Variants in CCDC3 observed in about 807,000 individuals in gnomAD.
CCDC3 encodes the protein coiled-coil domain-containing protein 3.
In CCDC3, 24 loss-of-function variants were observed where a neutral mutation model predicts 21.4. The ratio of observed to expected loss-of-function variants is 1.12; its 90% CI spans 0.81 to 1.58. The LOEUF is 1.58. Among genes scored for constraint, CCDC3 ranks in the 40% most tolerant of loss-of-function variants. The pLI, the probability that CCDC3 is intolerant of heterozygous loss-of-function variation, is 0.00. For missense variants in CCDC3, 425 were observed against 360.9 expected, an observed-to-expected ratio of 1.18 and a Z score of -1.44; for synonymous variants, 186 against 166.0, an observed-to-expected ratio of 1.12 and a Z score of -0.93.
intron 2 of CCDC3, among the ~76,000 whole-genome samples, chr10:12,996,861 T>A (rs1347927380): frequency 1.3e-5 from 2 of 152,100 alleles, no homozygotes; most frequent in Non-Finnish European, 2.9e-5. Flanking sequence ...TTCTCACTTA[T>A]AATGGGAGCT....
intron 3 of CCDC3, among the ~76,000 whole-genome samples, chr10:13,086,248 T>C (rs901974368): frequency 1.3e-5 from 2 of 152,218 alleles, no homozygotes; most frequent in African/African-American, 2.4e-5. Flanking sequence ...ATACTTCTTA[T>C]ATGAATAACA....
At chr10:12,992,273 C>T (rs1285479754) in intron 2 of CCDC3, among the ~76,000 whole-genome samples, 6 of 151,964 alleles carry the variant, frequency 3.9e-5, no homozygotes, top group Admixed American at 3.9e-4. Context: ...GCCTGTAGTC[C>T]CAGCTACTCA....
chr10:13,087,036 C>A (rs907437192), intron 3 of CCDC3, among the ~76,000 whole-genome samples: 5 of 152,180 alleles, frequency 3.3e-5, no homozygotes, highest in Non-Finnish European at 5.9e-5. Flanking sequence ...TATCCTAAAG[C>A]CTGTTGGCAA....
intron 5 of CCDC3, among the ~76,000 whole-genome samples, chr10:13,010,446 C>A (rs58927541): frequency 0.01 from 1,557 of 152,176 alleles, 22 homozygotes; most frequent in African/African-American, 0.035. Flanking sequence ...ACTTGAATAG[C>A]AAAAATTAAA....
intron 2 of CCDC3, among the ~76,000 whole-genome samples, chr10:12,908,107 C>T (rs529564350): frequency 6.8e-4 from 103 of 152,264 alleles, no homozygotes; most frequent in African/African-American, 2.4e-3. Flanking sequence ...AGTTTATTAG[C>T]TAAGTTCTAC....
chr10:12,921,425 C>G (rs780092535), intron 2 of CCDC3, among the ~76,000 whole-genome samples: 1 of 152,202 alleles, frequency 6.6e-6, no homozygotes, highest in Non-Finnish European at 1.5e-5. Context: ...CCAACCCCCT[C>G]CCCGACTCGT....
intron 2 of CCDC3, among the ~76,000 whole-genome samples, chr10:12,910,443 T>G (rs185940294): frequency 6.6e-6 from 1 of 152,134 alleles, no homozygotes. Context: ...TCAGTTAATA[T>G]TTTATTTGGT....
intron 4 of CCDC3, among the ~76,000 whole-genome samples, chr10:13,064,574 AAGAT>A (rs1836802029): frequency 1.3e-5 from 2 of 152,088 alleles, no homozygotes; most frequent in South Asian, 4.1e-4. Context: ...CAATACATGT[AAGAT>A]GTACACTGGT....
At chr10:13,045,995 CAGG>C (rs1277621254) in intron 5 of CCDC3, among the ~76,000 whole-genome samples, 1 of 151,934 alleles carries the variant, frequency 6.6e-6, no homozygotes, top group Non-Finnish European at 1.5e-5. Context: ...AAGGCTGAGG[CAGG>C]AGAAGCACTT....
Position 13,044,168 on chromosome 10 carries a change from G to A in CCDC3, c.-2+5506C>T, listed in dbSNP as rs561559428. 8.5e-5 allele frequency among the ~76,000 whole-genome samples: 13 copies of A among 152,278 alleles called. No homozygotes were observed. In the South Asian group the frequency reaches 2.1e-3, roughly 24 times the overall value. ...ATTTGTACAGCTTCTTTTGAGAAGT[G>A]TCTGCCCATGTCTTTTGCCCGATTC... On this transcript the variant is annotated intron_variant, in intron 5 of 6. Coordinates refer to the CCDC3 transcript ENST00000378839.
At chr10:13,025,165 C>T (rs1317786989) in intron 5 of CCDC3, among the ~76,000 whole-genome samples, 1 of 152,138 alleles carries the variant, frequency 6.6e-6, no homozygotes, top group Non-Finnish European at 1.5e-5. Flanking sequence ...AAAGGGTCTG[C>T]CATGGCCTCA....
intron 2 of CCDC3, among the ~76,000 whole-genome samples, chr10:12,952,700 GC>G (rs1835024485): frequency 6.6e-6 from 1 of 152,144 alleles, no homozygotes; most frequent in African/African-American, 2.4e-5. Context: ...AGTGTTCTCT[GC>G]CTGAGATTCC....
intron 5 of CCDC3, among the ~76,000 whole-genome samples, chr10:13,043,258 A>G (rs1395253339): frequency 6.6e-6 from 1 of 152,110 alleles, no homozygotes; most frequent in Admixed American, 6.5e-5. Context: ...TACTATTACC[A>G]TCCTTATGTC....
At chr10:12,974,698 C>T (rs377326297) in intron 2 of CCDC3, among the ~76,000 whole-genome samples, 1 of 152,160 alleles carries the variant, frequency 6.6e-6, no homozygotes, top group Non-Finnish European at 1.5e-5. Context: ...GTATCCTCCC[C>T]GGCCAACATG....
At chr10:13,096,890 C>G (rs949912685) in intron 3 of CCDC3, among the ~76,000 whole-genome samples, 5 of 152,156 alleles carry the variant, frequency 3.3e-5, no homozygotes, top group African/African-American at 4.8e-5. Context: ...TTGTGAAAGC[C>G]TCCACCCCAC....
At chr10:12,918,824 C>A (rs4750284) in intron 2 of CCDC3, among the ~76,000 whole-genome samples, 68,003 of 151,988 alleles carry the variant, frequency 0.45, 16,833 homozygotes, top group East Asian at 0.7. Flanking sequence ...GAGGCCGAGG[C>A]AGGTGGATCA....
At chr10:12,977,544 C>G (rs899299953) in intron 2 of CCDC3, among the ~76,000 whole-genome samples, 1 of 152,148 alleles carries the variant, frequency 6.6e-6, no homozygotes, top group Non-Finnish European at 1.5e-5. Context: ...CAGATCTCTC[C>G]AGAAGCATAA....
At chr10:13,039,592 A>G (rs1256341200) in intron 5 of CCDC3, among the ~76,000 whole-genome samples, 1 of 152,228 alleles carries the variant, frequency 6.6e-6, no homozygotes, top group African/African-American at 2.4e-5. Flanking sequence ...ACTGGTCACA[A>G]ATAGTAAGTT....
chr10:13,089,624 C>G (rs145076558), intron 3 of CCDC3, among the ~76,000 whole-genome samples: 1 of 150,938 alleles, frequency 6.6e-6, no homozygotes, highest in African/African-American at 2.5e-5. Flanking sequence ...TCTTTCAGCA[C>G]CCCCCCTTAA....
Sources: allele counts gnomAD v4.1 joint callset (sites outside exome capture counted in the v4.1 genomes callset), GRCh38; gene constraint gnomAD v4.1.1; transcripts MANE v1.5; gene names NCBI Gene and HGNC (gene_info 2026-07-23, HGNC 2026-07-21).